The following SCFD2 variants were observed in gnomAD, a reference collection of about 807,000 sequenced individuals.
SCFD2 encodes the protein sec1 family domain containing 2, also known as sec1 family domain-containing protein 2.
SCFD2 carries 54 observed loss-of-function variants against 58.9 expected under a neutral mutation model. That is an observed-to-expected ratio of 0.92 (90% confidence interval 0.74 to 1.15). The LOEUF (loss-of-function observed/expected upper bound fraction) is 1.15, where lower values mean the gene tolerates loss of function less well. Among genes scored for constraint, SCFD2 ranks in the 50% most tolerant of loss-of-function variants. SCFD2 has a pLI of 0.00. For missense variants in SCFD2, 805 were observed against 836.6 expected (o/e 0.96, Z 0.47); for synonymous variants, 321 against 335.9 (o/e 0.96, Z 0.49).
At chr4:53,333,777 G>T (rs1393039910) in intron 2 of SCFD2, among the ~76,000 whole-genome samples, 1 of 131,988 alleles carries the variant, frequency 7.6e-6, no homozygotes, top group Non-Finnish European at 1.6e-5. Flanking sequence ...AAGAGCTTCT[G>T]CACAGCAAAA....
At chr4:53,242,425 A>G (rs1443455746) in intron 4 of SCFD2, among the ~76,000 whole-genome samples, 2 of 151,554 alleles carry the variant, frequency 1.3e-5, no homozygotes, top group African/African-American at 2.4e-5. Flanking sequence ...AACTCACATT[A>G]TACCAAAAAT....
At chr4:52,920,923 CATG>C in intron 5 of SCFD2, 53 bp from the exon 6 acceptor site, 3 of 1,232,664 alleles carry the variant, frequency 2.4e-6, no homozygotes, top group Non-Finnish European at 3.4e-6. Context: ...AAGTTTTCAT[CATG>C]ACAGCTTGAG....
chr4:53,103,205 T>G (rs1385118630), intron 5 of SCFD2, among the ~76,000 whole-genome samples: 1 of 152,014 alleles, frequency 6.6e-6, no homozygotes, highest in Non-Finnish European at 1.5e-5. Flanking sequence ...TGATCAAAAT[T>G]AACATAACTG....
chr4:53,030,484 G>A (rs766705994), intron 5 of SCFD2, among the ~76,000 whole-genome samples: 7 of 151,688 alleles, frequency 4.6e-5, no homozygotes, highest in South Asian at 2.1e-4. Context: ...GTGCAGTGGC[G>A]CGATCTCAGC....
At chr4:53,252,881 G>A (rs1388587318) in intron 4 of SCFD2, among the ~76,000 whole-genome samples, 3 of 152,082 alleles carry the variant, frequency 2.0e-5, no homozygotes, top group Non-Finnish European at 2.9e-5. Context: ...AGCCAAAATT[G>A]ACAAATGGGA....
chr4:53,286,232 G>T (rs1731664917), intron 3 of SCFD2, among the ~76,000 whole-genome samples: 1 of 152,090 alleles, frequency 6.6e-6, no homozygotes, highest in Non-Finnish European at 1.5e-5. Flanking sequence ...TTAGCCCAGG[G>T]GAATACCTGC....
intron 4 of SCFD2, among the ~76,000 whole-genome samples, chr4:53,201,008 AATTT>A (rs1257700805): frequency 5.3e-5 from 8 of 151,864 alleles, no homozygotes; most frequent in African/African-American, 1.9e-4. Context: ...ATTTTAATTT[AATTT>A]AATTTTTTAA....
chr4:53,288,092 C>G (rs978040701), intron 3 of SCFD2, among the ~76,000 whole-genome samples: 2 of 151,626 alleles, frequency 1.3e-5, no homozygotes, highest in Admixed American at 6.6e-5. Context: ...TAATAATAAA[C>G]TATAAAAAAA....
rs557986415 is a variant in SCFD2 at position 52,898,605 on chromosome 4, G to A, written c.1842+8852C>T. Among the ~76,000 whole-genome samples, 44 of 152,260 alleles carry A rather than the reference G, an allele frequency of 2.9e-4. No homozygotes were observed. In the East Asian group the frequency reaches 4.6e-3, roughly 16 times the overall value. On this transcript the variant is annotated intron_variant, in intron 7 of 8. Transcript: ENST00000401642. The stretch of plus-strand genomic sequence containing the variant: ...GTCAATTTTGGAATAGGTGTGGTGC[G>A]GTGCTGAAAAGAATGCATATTCTGT...
At chr4:53,242,057 C>T (rs1729910746) in intron 4 of SCFD2, among the ~76,000 whole-genome samples, 2 of 152,260 alleles carry the variant, frequency 1.3e-5, no homozygotes, top group South Asian at 4.1e-4. Flanking sequence ...GCCATTGCTG[C>T]AGCTGTGAAT....
chr4:53,000,302 C>G (rs1410781962), intron 5 of SCFD2, among the ~76,000 whole-genome samples: 1 of 152,176 alleles, frequency 6.6e-6, no homozygotes, highest in East Asian at 1.9e-4. Flanking sequence ...ACAGATTTTG[C>G]TCTCTATATC....
chr4:53,295,306 T>C (rs1731987879), intron 3 of SCFD2, among the ~76,000 whole-genome samples: 1 of 152,206 alleles, frequency 6.6e-6, no homozygotes, highest in South Asian at 2.1e-4. Context: ...TTGTGTCCTC[T>C]CTGATTTCCT....
chr4:53,168,421 A>C (rs919317262), intron 4 of SCFD2, among the ~76,000 whole-genome samples: 12 of 152,218 alleles, frequency 7.9e-5, no homozygotes, highest in Admixed American at 7.2e-4. Flanking sequence ...ACTCAAACCC[A>C]TGAAACACAA....
At chr4:53,000,384 C>T (rs1342819615) in intron 5 of SCFD2, among the ~76,000 whole-genome samples, 1 of 152,176 alleles carries the variant, frequency 6.6e-6, no homozygotes, top group African/African-American at 2.4e-5. Flanking sequence ...CTACAAAATT[C>T]GGCCCACATT....
intron 4 of SCFD2, among the ~76,000 whole-genome samples, chr4:53,176,787 A>G (rs1017903534): frequency 3.9e-5 from 6 of 152,122 alleles, no homozygotes; most frequent in South Asian, 2.1e-4. Flanking sequence ...CATCTCTACT[A>G]AAAATACAAA....
At chr4:53,110,927 G>A (rs1725151297) in intron 5 of SCFD2, among the ~76,000 whole-genome samples, 1 of 152,152 alleles carries the variant, frequency 6.6e-6, no homozygotes, top group Admixed American at 6.5e-5. Flanking sequence ...GCAAAGACTT[G>A]GAACCAGCCC....
intron 4 of SCFD2, among the ~76,000 whole-genome samples, chr4:53,258,200 G>A (rs1223665431): frequency 6.6e-6 from 1 of 152,050 alleles, no homozygotes; most frequent in East Asian, 1.9e-4. Context: ...AGGTTTTGGA[G>A]AAACAAATGG....
intron 4 of SCFD2, among the ~76,000 whole-genome samples, chr4:53,195,761 T>A (rs984339938): frequency 2.6e-5 from 4 of 152,172 alleles, no homozygotes; most frequent in African/African-American, 9.7e-5. Flanking sequence ...AAAAAGTTAA[T>A]TTAGTGATAG....
chr4:53,159,631 G>A (rs1467893743), intron 4 of SCFD2, among the ~76,000 whole-genome samples: 6 of 152,258 alleles, frequency 3.9e-5, no homozygotes, highest in Non-Finnish European at 7.3e-5. Flanking sequence ...TAAGGCACAC[G>A]ACTAGCCCAA....
Sources: allele counts gnomAD v4.1 joint callset (sites outside exome capture counted in the v4.1 genomes callset), GRCh38; gene constraint gnomAD v4.1.1; transcripts MANE v1.5; gene names NCBI Gene and HGNC (gene_info 2026-07-23, HGNC 2026-07-21).